The following AJAP1 variants were observed in gnomAD, a reference collection of about 807,000 sequenced individuals.
AJAP1 encodes the protein adherens junction-associated protein 1.
In AJAP1, 5 loss-of-function variants were observed where a neutral mutation model predicts 35.0. The observed-to-expected ratio is 0.14, with a 90% CI of 0.07 to 0.30. The LOEUF (loss-of-function observed/expected upper bound fraction) is 0.30, where lower values mean the gene tolerates loss of function less well. Ranked by LOEUF, AJAP1 falls within the 10% of genes least tolerant of loss-of-function variation. The pLI is 1.00. For synonymous variants in AJAP1, 284 were observed against 249.3 expected (o/e 1.14, Z -1.31); for missense variants, 586 against 571.0 (o/e 1.03, Z -0.27).
chr1:4,754,746 G>T (rs1641390633), intron 2 of AJAP1, among the ~76,000 whole-genome samples: 1 of 152,238 alleles, frequency 6.6e-6, no homozygotes, highest in African/African-American at 2.4e-5. Flanking sequence ...TTAAGACGTT[G>T]CTGGGACCCC....
intron 2 of AJAP1, among the ~76,000 whole-genome samples, chr1:4,762,432 G>C (rs1237643972): frequency 6.6e-6 from 1 of 152,220 alleles, no homozygotes; most frequent in African/African-American, 2.4e-5. Flanking sequence ...AGAGGGGCTG[G>C]AGACTGGGGT....
intron 1 of AJAP1, among the ~76,000 whole-genome samples, chr1:4,704,156 AG>A (rs1397126165): frequency 8.2e-6 from 1 of 122,472 alleles, no homozygotes; most frequent in Non-Finnish European, 1.8e-5. Context: ...CAAACGGGGA[AG>A]TTTTTTTTTT....
intron 1 of AJAP1, among the ~76,000 whole-genome samples, chr1:4,682,853 ATGG>A (rs1400154327): frequency 3.3e-5 from 5 of 151,864 alleles, no homozygotes; most frequent in East Asian, 1.9e-4. Context: ...GATGATGGTG[ATGG>A]TGGTGATGGT....
chr1:4,659,357 C>G (rs1315443205), intron 1 of AJAP1, among the ~76,000 whole-genome samples: 2 of 152,060 alleles, frequency 1.3e-5, no homozygotes, highest in Non-Finnish European at 2.9e-5. Context: ...CAATCAGACA[C>G]AAGGAGGAGA....
chr1:4,779,775 A>G (rs1452110683), intron 5 of AJAP1, among the ~76,000 whole-genome samples: 4 of 152,054 alleles, frequency 2.6e-5, no homozygotes, highest in African/African-American at 9.7e-5. Flanking sequence ...CTCGAAGCCT[A>G]GCTTCTGGTG....
chr1:4,770,700 C>A (rs1180575059), intron 3 of AJAP1, among the ~76,000 whole-genome samples: 2 of 90,784 alleles, frequency 2.2e-5, no homozygotes, highest in African/African-American at 6.9e-5. Context: ...ATGAATCAGA[C>A]AAGGCTGATG....
chr1:4,750,113 T>C (rs1641289261), intron 2 of AJAP1, among the ~76,000 whole-genome samples: 1 of 152,164 alleles, frequency 6.6e-6, no homozygotes, highest in South Asian at 2.1e-4. Flanking sequence ...AGCATATGTG[T>C]TTGGCTGTGC....
chr1:4,702,101 TC>T (rs1640001682), intron 1 of AJAP1, among the ~76,000 whole-genome samples: 1 of 151,946 alleles, frequency 6.6e-6, no homozygotes, highest in South Asian at 2.1e-4. Flanking sequence ...TCCCCAGTAT[TC>T]TAACGTGTCC....
chr1:4,677,495 C>T (rs1639387273), intron 1 of AJAP1, among the ~76,000 whole-genome samples: 1 of 152,010 alleles, frequency 6.6e-6, no homozygotes, highest in Non-Finnish European at 1.5e-5. Flanking sequence ...AGCGGCTTTT[C>T]TCTCCTCTTT....
intron 1 of AJAP1, among the ~76,000 whole-genome samples, chr1:4,664,007 T>A (rs1205777228): frequency 6.6e-6 from 1 of 152,222 alleles, no homozygotes; most frequent in East Asian, 1.9e-4. Flanking sequence ...AACAGTTGCA[T>A]GACACTTACT....
chr1:4,776,332 T>C (rs1570230773), intron 5 of AJAP1, among the ~76,000 whole-genome samples: 1 of 152,098 alleles, frequency 6.6e-6, no homozygotes, highest in Non-Finnish European at 1.5e-5. Context: ...GAACACTTTT[T>C]ACCTGCCCAG....
chr1:4,671,266 G>A (rs1037815199), intron 1 of AJAP1, among the ~76,000 whole-genome samples: 14 of 152,144 alleles, frequency 9.2e-5, no homozygotes, highest in Non-Finnish European at 1.9e-4. Flanking sequence ...CTACTAGGGA[G>A]GCTGAGGCAG....
At chr1:4,727,388 T>A (rs1042942748) in intron 2 of AJAP1, among the ~76,000 whole-genome samples, 1 of 152,168 alleles carries the variant, frequency 6.6e-6, no homozygotes, top group African/African-American at 2.4e-5. Context: ...TGGGGGACAG[T>A]GCGGAGAAAG....
chr1:4,657,420 C>T (rs1638905319), intron 1 of AJAP1, among the ~76,000 whole-genome samples: 1 of 152,060 alleles, frequency 6.6e-6, no homozygotes, highest in Admixed American at 6.6e-5. Flanking sequence ...GTCTCCTGGC[C>T]AGAGAAGGAG....
intron 1 of AJAP1, among the ~76,000 whole-genome samples, chr1:4,663,849 G>A (rs565405025): frequency 6.6e-6 from 1 of 152,286 alleles, no homozygotes; most frequent in East Asian, 1.9e-4. Flanking sequence ...TGTTTGCCGT[G>A]TCTGCATAGG....
rs1389506800 is a variant in AJAP1, at chr1:4,789,143, G to A, written c.*6658G>A. 1 of 152,208 alleles carries A rather than the reference G, an allele frequency of 6.6e-6. No individual in the cohort carries two copies. The highest frequency in any genetic ancestry group is 1.5e-5 in the Non-Finnish European group (1 of 68,040). The allele number at this position is 152,208 out of a possible 1,614,324, so 9.4% of individuals were successfully genotyped here. ...AAGCTTGCCCATGTGGGACACACAG[G>A]TTTATAGAGATTAAACACTAGTGAG... is the stretch of plus-strand genomic sequence containing the variant. On this transcript the variant is annotated 3_prime_UTR_variant, in exon 6 of 6. Transcript: ENST00000378191. The surrounding 1 kb of genome is among the most constrained non-coding windows in gnomAD (Gnocchi z 4.4).
At chr1:4,694,739 G>GACCTA (rs1557612490) in intron 1 of AJAP1, among the ~76,000 whole-genome samples, 1 of 152,224 alleles carries the variant, frequency 6.6e-6, no homozygotes, top group Non-Finnish European at 1.5e-5. Flanking sequence ...GAGCAGGTGC[G>GACCTA]CAGCTGGGGG....
chr1:4,770,660 A>G (rs1242701030), intron 3 of AJAP1, among the ~76,000 whole-genome samples: 1 of 152,020 alleles, frequency 6.6e-6, no homozygotes, highest in African/African-American at 2.4e-5. Context: ...ACAGACCCAA[A>G]TGGTCCCCTT....
At position 4,723,235 on chromosome 1, in the gene AJAP1, C is replaced by T. The variant is rs1291508049; in HGVS notation, c.829+10536C>T. Among the ~76,000 whole-genome samples, 2 of 152,152 alleles carry T rather than the reference C, an allele frequency of 1.3e-5. No homozygotes were observed. The highest frequency in any genetic ancestry group is 4.8e-5 in the African/African-American group (2 of 41,438). On this transcript the variant is annotated intron_variant, in intron 2 of 5. Transcript: ENST00000378191. This position sits in a 1 kb window ranked among gnomAD's most constrained non-coding sequence, Gnocchi z 4.3. ...GGGGAGCAGCAGATTGGAAGGAGCCCTTGGGACGGGACCTTCACTCTTGTG... is the reference window on the plus strand; with the variant it reads ...GGGGAGCAGCAGATTGGAAGGAGCCTTTGGGACGGGACCTTCACTCTTGTG...
Sources: gnomAD v4.1 joint callset for allele counts (sites outside exome capture counted in the v4.1 genomes callset) on GRCh38, gnomAD v4.1.1 for gene constraint, Gnocchi (gnomAD v3.1) non-coding constraint, MANE v1.5 for transcripts, NCBI Gene and HGNC (gene_info 2026-07-23, HGNC 2026-07-21) for gene names.